USP37: variants seen among roughly 807,000 people sequenced by gnomAD.
USP37 encodes the protein ubiquitin carboxyl-terminal hydrolase 37.
In USP37, 27 loss-of-function variants were observed where a neutral mutation model predicts 124.0. The ratio of observed to expected loss-of-function variants is 0.22; its 90% confidence interval spans 0.16 to 0.30. The LOEUF (loss-of-function observed/expected upper bound fraction) is 0.30, where lower values mean the gene tolerates loss of function less well. Among genes scored for constraint, USP37 ranks in the 10% least tolerant of loss-of-function variants. USP37 has a pLI of 1.00. For missense variants in USP37, 889 were observed against 1,140.4 expected (o/e 0.78, Z 3.17); for synonymous variants, 365 against 388.0 (o/e 0.94, Z 0.70).
At chr2:218,490,386 A>G (rs1691863376) in intron 14 of USP37, among the ~76,000 whole-genome samples, 1 of 152,202 alleles carries the variant, frequency 6.6e-6, no homozygotes, top group African/African-American at 2.4e-5. Context: ...ATATGTGGAT[A>G]CTTCTATTAG....
intron 11 of USP37, 60 bp from the exon 12 acceptor site, chr2:218,498,217 A>T: frequency 1.4e-6 from 2 of 1,481,396 alleles, no homozygotes; most frequent in Non-Finnish European, 1.8e-6. Context: ...TATGTTCAGT[A>T]TAGTAGGAGT....
chr2:218,483,197 C>G (rs995267036), intron 16 of USP37, among the ~76,000 whole-genome samples: 2 of 152,018 alleles, frequency 1.3e-5, no homozygotes, highest in African/African-American at 4.8e-5. Context: ...AATATTTTAA[C>G]TAGAATTTCA....
rs573713374 is a variant in USP37 at position 218,454,014 on chromosome 2, T to C, written c.*916A>G. On this transcript the variant is annotated 3_prime_UTR_variant, in exon 26 of 26. Transcript: ENST00000258399. Reference sequence around the variant, plus strand: ...CTGGGGAGTCCCAATTGGAGAAATATTATCTTTCTACTTGTTTAAAGTTTT... The same window carrying C: ...CTGGGGAGTCCCAATTGGAGAAATACTATCTTTCTACTTGTTTAAAGTTTT... 1 of 152,358 alleles carries C rather than the reference T, an allele frequency of 6.6e-6. No homozygotes were observed. Among genetic ancestry groups the C allele is most frequent in the Non-Finnish European group, 1.5e-5 (1 of 68,034 alleles). 9.4% of individuals were successfully genotyped at this position (152,358 alleles called of 1,614,324 possible). A position where few individuals can be genotyped will look rare whatever the true frequency, so the allele number is the denominator to read the frequency against.
chr2:218,456,540 C>T (rs1001161387), intron 24 of USP37, among the ~76,000 whole-genome samples: 3 of 151,754 alleles, frequency 2.0e-5, no homozygotes, highest in African/African-American at 4.8e-5. Flanking sequence ...TACACTGGTA[C>T]ACCATTTTTG....
chr2:218,551,174 C>T (rs745328594), intron 5 of USP37, among the ~76,000 whole-genome samples: 4 of 152,150 alleles, frequency 2.6e-5, no homozygotes, highest in Admixed American at 1.3e-4. Flanking sequence ...CTTTTGTCCA[C>T]TGATTTGAAA....
In USP37 at chr2:218,546,908, G is replaced by C. The variant is rs1482735600; in HGVS notation, c.602+11C>G. 1.9e-6 allele frequency: 3 copies of C among 1,602,082 alleles called. No individual in the cohort carries two copies. The South Asian group carries it at 3.4e-5, about 18-fold the overall frequency. ...GATACAGCTAGTGACTAAGAAAAAA[G>C]TCTCTCCTACCGATTTTCTAGCAAC... On this transcript the variant is annotated intron_variant, in intron 7 of 25. Transcript: ENST00000258399.
chr2:218,461,314 C>T (rs376632046), intron 22 of USP37, among the ~76,000 whole-genome samples: 4 of 152,038 alleles, frequency 2.6e-5, no homozygotes, highest in African/African-American at 9.6e-5. Context: ...TGGAGACCAG[C>T]CTGACCAACA....
chr2:218,480,398 CAAAAAAA>C (rs397868988), intron 17 of USP37, among the ~76,000 whole-genome samples: 22 of 48,866 alleles, frequency 4.5e-4, no homozygotes, highest in South Asian at 3.7e-3. Context: ...GACTCCGTCT[CAAAAAAA>C]AAAAAAAAAA....
chr2:218,510,293 A>C (rs1689903920), intron 10 of USP37, among the ~76,000 whole-genome samples, 153 bp from the exon 11 acceptor site: 1 of 152,250 alleles, frequency 6.6e-6, no homozygotes, highest in East Asian at 1.9e-4. Flanking sequence ...AAACTCTACA[A>C]ACGTAAATTA....
At chr2:218,491,968 A>C (rs1268296244) in intron 14 of USP37, among the ~76,000 whole-genome samples, 1 of 152,126 alleles carries the variant, frequency 6.6e-6, no homozygotes, top group Admixed American at 6.6e-5. Context: ...GGGAAGCTGA[A>C]GTGGGAAGTT....
At chr2:218,519,014 T>G (rs956282869) in intron 10 of USP37, among the ~76,000 whole-genome samples, 2 of 152,222 alleles carry the variant, frequency 1.3e-5, no homozygotes, top group Non-Finnish European at 2.9e-5. Context: ...TGCCCTTTCT[T>G]AAGTGGTCAT....
intron 20 of USP37, among the ~76,000 whole-genome samples, chr2:218,466,865 C>G (rs750084424): frequency 2.6e-5 from 4 of 151,740 alleles, no homozygotes; most frequent in African/African-American, 4.8e-5. Context: ...CACCAAGCAG[C>G]TGGGATTACA....
At chr2:218,466,751 T>G (rs1342492588) in intron 20 of USP37, among the ~76,000 whole-genome samples, 1 of 152,170 alleles carries the variant, frequency 6.6e-6, no homozygotes, top group Non-Finnish European at 1.5e-5. Context: ...TTTTATTTTT[T>G]GGGGACAGTG....
intron 24 of USP37, among the ~76,000 whole-genome samples, chr2:218,456,133 A>G (rs997054358): frequency 1.3e-5 from 2 of 151,876 alleles, no homozygotes; most frequent in African/African-American, 4.8e-5. Context: ...CTTATCCTCA[A>G]CACTGTGTCT....
chr2:218,550,798 GT>G (rs1466247779), intron 5 of USP37, among the ~76,000 whole-genome samples: 1 of 151,830 alleles, frequency 6.6e-6, no homozygotes, highest in East Asian at 1.9e-4. Flanking sequence ...TCTATTTGCA[GT>G]TTTTGTCAAT....
chr2:218,553,544 A>G lies in USP37; in HGVS notation c.328+9T>C. 1 of 1,607,260 alleles carries G rather than the reference A, an allele frequency of 6.2e-7. No homozygotes were observed. Among genetic ancestry groups the G allele is most frequent in the Non-Finnish European group, 8.5e-7 (1 of 1,176,268 alleles). On this transcript the variant is annotated intron_variant, in intron 5 of 25. Transcript: ENST00000258399. ...ACTAACGTTAGACCCTGGGGTGATT[A>G]GTACTCACCTGCAGGAAGTCTGTTT...
chr2:218,552,061 G>A (rs1559226261), intron 5 of USP37, among the ~76,000 whole-genome samples: 1 of 151,964 alleles, frequency 6.6e-6, no homozygotes, highest in Non-Finnish European at 1.5e-5. Flanking sequence ...CAAAGTGCTG[G>A]GATTACAGGT....
intron 14 of USP37, among the ~76,000 whole-genome samples, chr2:218,491,417 T>C (rs1026296340): frequency 6.6e-6 from 1 of 152,096 alleles, no homozygotes; most frequent in Non-Finnish European, 1.5e-5. Flanking sequence ...ACGACCTTAA[T>C]GAGATAGAAG....
chr2:218,556,082 G>T lies in USP37; in HGVS notation c.157-2358C>A, dbSNP rs537607883. Among the ~76,000 whole-genome samples, 3 of 152,238 alleles carry T rather than the reference G, an allele frequency of 2.0e-5. No individual in the cohort carries two copies. In the South Asian group the frequency reaches 6.2e-4, roughly 32 times the overall value. On this transcript the variant is annotated intron_variant, in intron 4 of 25. Coordinates refer to ENST00000258399, the MANE Select transcript of USP37 (RefSeq NM_020935.3). Reference sequence around the variant, plus strand: ...GTCATCTGCCTAGCCCCAAAGAAATGTGAGTTTGAGATTCTTGGCTCCTTA... The same window carrying T: ...GTCATCTGCCTAGCCCCAAAGAAATTTGAGTTTGAGATTCTTGGCTCCTTA...
Sources: allele counts gnomAD v4.1 joint callset (sites outside exome capture counted in the v4.1 genomes callset), GRCh38; gene constraint gnomAD v4.1.1; transcripts MANE v1.5; gene names NCBI Gene and HGNC (gene_info 2026-07-23, HGNC 2026-07-21).